The following NLRP8 variants were observed in gnomAD, a reference collection of about 807,000 sequenced individuals.
NLRP8 encodes NACHT, LRR and PYD domains-containing protein 8.
A neutral mutation model predicts 88.7 loss-of-function variants in NLRP8; 86 were observed. That is an observed-to-expected ratio of 0.97 (90% CI 0.81 to 1.16). The LOEUF is 1.16. NLRP8 is among the 50% of genes most tolerant of loss of function. The probability of loss-of-function intolerance (pLI) is 0.00; values close to 1 mark genes in which losing one functional copy is unlikely to be tolerated. For missense variants in NLRP8, 1,342 were observed against 1,286.5 expected, an observed-to-expected ratio of 1.04 and a Z score of -0.66; for synonymous variants, 504 against 494.6, an observed-to-expected ratio of 1.02 and a Z score of -0.25.
At chr19:55,984,553 C>T (rs1300537115) in intron 9 of NLRP8, among the ~76,000 whole-genome samples, 1 of 149,644 alleles carries the variant, frequency 6.7e-6, no homozygotes, top group East Asian at 2.0e-4. Context: ...ACTTTTGAGG[C>T]TGAGGCAGGA....
chr19:55,957,616 G>A, intron 3 of NLRP8, among the ~76,000 whole-genome samples: 1 of 147,758 alleles, frequency 6.8e-6, no homozygotes, highest in Non-Finnish European at 1.5e-5. Context: ...AACCCAGGAG[G>A]CAGAGGCTGC....
At chr19:55,964,520 G>C (rs1268900146) in intron 4 of NLRP8, among the ~76,000 whole-genome samples, 1 of 152,194 alleles carries the variant, frequency 6.6e-6, no homozygotes. Context: ...GGGAAGCCAA[G>C]GTGGGCGGAT....
chr19:55,983,678 A>G (rs939817921), intron 9 of NLRP8, among the ~76,000 whole-genome samples: 4 of 151,930 alleles, frequency 2.6e-5, no homozygotes, highest in Admixed American at 2.6e-4. Context: ...AACATCACCA[A>G]TAAGAAGACA....
At position 55,985,031 on chromosome 19, in the gene NLRP8, C is replaced by T. The variant is rs143376080; in HGVS notation, c.3048-2783C>T. On this transcript the variant is annotated intron_variant, in intron 9 of 9. Transcript: ENST00000291971. ...GTATATGAAGAAATGTGGCCAAGCG[C>T]GGTGGCTCACGCCTGTCATCCCAAC... Among the ~76,000 whole-genome samples, 539 of 152,262 alleles carry T rather than the reference C, an allele frequency of 3.5e-3. 5 individuals are homozygous for T. Among genetic ancestry groups the T allele is most frequent in the African/African-American group, 0.012 (518 of 41,558 alleles).
At chr19:55,982,578 A>ACT (rs1980619310) in intron 9 of NLRP8, among the ~76,000 whole-genome samples, 1 of 152,292 alleles carries the variant, frequency 6.6e-6, no homozygotes, top group South Asian at 2.1e-4. Context: ...GAAAGAGCTG[A>ACT]CTCCACAGTT....
intron 1 of NLRP8, among the ~76,000 whole-genome samples, chr19:55,951,036 C>G (rs1450707065): frequency 6.6e-6 from 1 of 152,086 alleles, no homozygotes; most frequent in African/African-American, 2.4e-5. Context: ...TGAGATCACA[C>G]CACTGCACTC....
Position 55,962,208 on chromosome 19 carries a change from G to T in NLRP8, c.2184G>T (p.Arg728Ser), listed in dbSNP as rs760462675. The T allele has an allele frequency of 6.2e-7, 1 of 1,613,948 alleles. No individual in the cohort carries two copies. Among genetic ancestry groups the T allele is most frequent in the Non-Finnish European group, 8.5e-7 (1 of 1,179,976 alleles). The change falls in exon 4 of 10, where the codon AGG (arginine) becomes AGT (serine). Residue 728 changes from arginine to serine, a missense_variant. Physicochemically the swap from Arg to Ser is moderately radical, Grantham distance 110. Coordinates refer to ENST00000291971, the MANE Select transcript of NLRP8 (RefSeq NM_176811.2). ...TGAAGGCTCTCGCGGCCGCACTGAG[G>T]CACCCTCAGTGCAAACTGCAAAAGC...
intron 9 of NLRP8, among the ~76,000 whole-genome samples, chr19:55,986,328 ACT>A (rs113738356): frequency 0.11 from 15,915 of 150,636 alleles, 1,144 homozygotes; most frequent in African/African-American, 0.21. Context: ...ACACACACAC[ACT>A]CTCTGTCTCA....
chr19:55,973,190 C>T (rs985624774), intron 6 of NLRP8, among the ~76,000 whole-genome samples: 3 of 152,118 alleles, frequency 2.0e-5, no homozygotes, highest in Non-Finnish European at 4.4e-5. Flanking sequence ...TTTGCAGTTC[C>T]CTGATACTTA....
intron 2 of NLRP8, 117 bp downstream of exon 2, chr19:55,952,729 A>C (rs1979151344): frequency 1.3e-6 from 1 of 752,708 alleles, no homozygotes; most frequent in Non-Finnish European, 2.3e-6. Context: ...TTTCTTCTAC[A>C]ATCAGAACCA....
At position 55,948,124 on chromosome 19, in the gene NLRP8, C is replaced by A. The variant is rs1166476516; in HGVS notation, c.222C>A (p.Asp74Glu). ...CTGGCACCATGCCCATCACCTGGGACCAGGTCGAGACAGCCAGCTGGGCAG... is the reference window on the plus strand; with the variant it reads ...CTGGCACCATGCCCATCACCTGGGAACAGGTCGAGACAGCCAGCTGGGCAG... The change falls in exon 1 of 10, where the codon GAC becomes GAA. Residue 74 changes from aspartate to glutamate, a missense_variant. By Grantham distance (45) the Asp-to-Glu change is conservative. Transcript: ENST00000291971. 2 of 1,614,162 alleles carry A rather than the reference C, an allele frequency of 1.2e-6. No homozygotes were observed. The highest frequency in any genetic ancestry group is 4.5e-5 in the East Asian group (2 of 44,868).
At position 55,954,526 on chromosome 19, in the gene NLRP8, T is replaced by C. The variant is rs1371561475; in HGVS notation, c.468T>C (p.Asn156=). 6.2e-7 allele frequency: 1 copy of C among 1,613,844 alleles called. No individual in the cohort carries two copies. The highest frequency in any genetic ancestry group is 1.3e-5 in the African/African-American group (1 of 74,916). ...GTAAAATACGGCGGTATAAATCGAA[T>C]GTGATGGAAAAGTTTTTCCCCATAT... Residue 156 remains asparagine, a synonymous_variant, in exon 3 of 10, where the codon AAT becomes AAC. Coordinates refer to ENST00000291971, the MANE Select transcript of NLRP8 (RefSeq NM_176811.2).
Position 55,947,868 on chromosome 19 carries a change from C to T in NLRP8, c.-35C>T, listed in dbSNP as rs1018263930. On this transcript the variant is annotated 5_prime_UTR_variant, in exon 1 of 10. Transcript: ENST00000291971. ...CTCTCTTCCAATCGGTTGTCTTTATCGTGGACACTGAGGTGTTCTCTGCCT... is the reference window on the plus strand; with the variant it reads ...CTCTCTTCCAATCGGTTGTCTTTATTGTGGACACTGAGGTGTTCTCTGCCT... 4.5e-6 allele frequency: 7 copies of T among 1,571,404 alleles called. No individual in the cohort carries two copies. Among genetic ancestry groups the T allele is most frequent in the Admixed American group, 1.8e-5 (1 of 56,902 alleles).
At position 55,955,641 on chromosome 19, in the gene NLRP8, A is replaced by G. The variant is rs749071133; in HGVS notation, c.1583A>G (p.Lys528Arg). ...GTTCTCTGTTTCCCACAAAGACTCA[A>G]AAATTTTCATGTGTTGAGCCACGTG... Residue 528 changes from lysine (K) to arginine (R), a missense_variant, in exon 3 of 10, where the codon AAA becomes AGA. Coordinates refer to ENST00000291971, the MANE Select transcript of NLRP8 (RefSeq NM_176811.2). 2 of 1,614,200 alleles carry G rather than the reference A, an allele frequency of 1.2e-6. No homozygotes were observed. Among genetic ancestry groups the G allele is most frequent in the African/African-American group, 1.3e-5 (1 of 75,052 alleles).
At chr19:55,981,374 T>G (rs906504151) in intron 9 of NLRP8, among the ~76,000 whole-genome samples, 3 of 152,314 alleles carry the variant, frequency 2.0e-5, no homozygotes, top group African/African-American at 7.2e-5. Context: ...TGTCATGTGT[T>G]AACACATAGA....
At chr19:55,950,342 C>G (rs1329469533) in intron 1 of NLRP8, among the ~76,000 whole-genome samples, 1 of 151,818 alleles carries the variant, frequency 6.6e-6, no homozygotes, top group East Asian at 1.9e-4. Context: ...TTGCTTGAAC[C>G]CAGGAGGCAG....
chr19:55,973,969 A>G (rs574086427), intron 7 of NLRP8, 147 bp downstream of exon 7: 16 of 705,430 alleles, frequency 2.3e-5, no homozygotes, highest in Admixed American at 1.3e-4. Context: ...GAAAAGCACA[A>G]TAAAGAGGAG....
At chr19:55,967,648 C>T (rs1243971665) in intron 5 of NLRP8, among the ~76,000 whole-genome samples, 3 of 152,196 alleles carry the variant, frequency 2.0e-5, no homozygotes, top group Non-Finnish European at 1.5e-5. Flanking sequence ...AGCAGAGCTA[C>T]AGCAAGCATG....
rs1979321758 is a variant in NLRP8, at chr19:55,955,717, T to C, written c.1659T>C (p.Ser553=). The C allele has an allele frequency of 6.2e-7, 1 of 1,613,942 alleles. No homozygotes were observed. Among genetic ancestry groups the C allele is most frequent in the Non-Finnish European group, 8.5e-7 (1 of 1,179,912 alleles). ...CCAGAGGAAGCAAAAGCTATCTCTC[T>C]CACATGGGACTTTTCTTATTCGGTT... The change falls in exon 3 of 10, where the codon TCT becomes TCC. Residue 553 remains serine (S), a synonymous_variant. Transcript: ENST00000291971.
Sources: allele counts gnomAD v4.1 joint callset (sites outside exome capture counted in the v4.1 genomes callset), GRCh38; gene constraint gnomAD v4.1.1; transcripts MANE v1.5; gene names NCBI Gene and HGNC (gene_info 2026-07-23, HGNC 2026-07-21).